Variants in AQR observed in about 807,000 individuals in gnomAD.
The protein encoded by AQR is aquarius intron-binding spliceosomal factor.
Under a neutral mutation model 180.5 loss-of-function variants are expected in AQR, and 61 were observed. The observed-to-expected ratio is 0.34, with a 90% CI of 0.28 to 0.42. The LOEUF (loss-of-function observed/expected upper bound fraction) is 0.42, where lower values mean the gene tolerates loss of function less well. AQR is among the 10% of genes least tolerant of loss of function. AQR has a pLI of 1.00. For missense variants in AQR, 1,281 were observed against 1,798.3 expected, an observed-to-expected ratio of 0.71 and a Z score of 5.20; for synonymous variants, 551 against 588.8, an observed-to-expected ratio of 0.94 and a Z score of 0.93.
intron 24 of AQR, 86 bp downstream of exon 24, chr15:34,890,129 T>C (rs1893121005): frequency 8.5e-7 from 1 of 1,171,110 alleles, no homozygotes; most frequent in East Asian, 2.4e-5. Context: ...GTTTCAGTAT[T>C]CATTGCTTTC....
At chr15:34,946,579 G>T (rs562336825) in intron 5 of AQR, among the ~76,000 whole-genome samples, 99 of 133,662 alleles carry the variant, frequency 7.4e-4, no homozygotes, top group African/African-American at 2.7e-3. Context: ...GGAGGGAGGT[G>T]GGGGGGGTCA....
chr15:34,887,926 G>A (rs561977960), intron 24 of AQR, among the ~76,000 whole-genome samples: 2 of 152,184 alleles, frequency 1.3e-5, no homozygotes, highest in East Asian at 1.9e-4. Context: ...TGAACACTTC[G>A]TTAATGAGAA....
intron 11 of AQR, among the ~76,000 whole-genome samples, chr15:34,931,662 C>T (rs954015343): frequency 2.0e-5 from 3 of 152,030 alleles, no homozygotes; most frequent in African/African-American, 2.4e-5. Flanking sequence ...CAAAACATTA[C>T]CCGGGCGTGG....
chr15:34,949,989 AT>A lies in AQR; in HGVS notation c.210-1606del, dbSNP rs1474957668. 1.6e-4 allele frequency among the ~76,000 whole-genome samples: 23 copies of A among 142,842 alleles called. No homozygotes were observed. The East Asian group carries it at 4.1e-3, about 26-fold the overall frequency. The allele number at this position is 142,842 out of a possible 152,430, so 93.7% of individuals were successfully genotyped here. ...TCCAAAACTAAAAAAAAAAAAAAAA[AT>A]CTTCTGAAACTCCTACTAAGCCTTC... On this transcript the variant is annotated intron_variant, in intron 4 of 34. Transcript: ENST00000156471.
rs377187373 is a variant in AQR, at chr15:34,905,384, A to C, written c.1832-879T>G. On this transcript the variant is annotated intron_variant, in intron 18 of 34. Coordinates refer to ENST00000156471, the MANE Select transcript of AQR (RefSeq NM_014691.3). The stretch of plus-strand genomic sequence containing the variant: ...ATTATAAAGGAAGTCAGGACAACAG[A>C]AGAAAGAATTTCAAAGGGATAATAA... 5.3e-5 allele frequency among the ~76,000 whole-genome samples: 8 copies of C among 152,206 alleles called. No individual in the cohort carries two copies. In the East Asian group the frequency reaches 9.6e-4, roughly 18 times the overall value.
At chr15:34,965,265 T>C (rs1437522405) in intron 1 of AQR, among the ~76,000 whole-genome samples, 1 of 152,244 alleles carries the variant, frequency 6.6e-6, no homozygotes, top group Admixed American at 6.5e-5. Flanking sequence ...TTTTCTTTGC[T>C]TTTATAGCTC....
At chr15:34,870,123 T>C (rs555421260) in intron 31 of AQR, 4 of 149,936 alleles carry the variant, frequency 2.7e-5, no homozygotes, top group African/African-American at 7.6e-5. Flanking sequence ...ACTGCACAGA[T>C]AGTCTATAAA....
At chr15:34,929,523 T>C (rs1893817726) in intron 12 of AQR, among the ~76,000 whole-genome samples, 1 of 152,164 alleles carries the variant, frequency 6.6e-6, no homozygotes, top group East Asian at 1.9e-4. Context: ...ATTTCTGACG[T>C]CTCTGTTCTG....
intron 13 of AQR, among the ~76,000 whole-genome samples, chr15:34,921,968 A>G (rs932536286): frequency 6.6e-6 from 1 of 151,814 alleles, no homozygotes; most frequent in African/African-American, 2.4e-5. Context: ...CCACCACCAC[A>G]CTCGGCTAAA....
chr15:34,948,111 A>C (rs966752497), intron 5 of AQR, 153 bp downstream of exon 5: 4 of 789,516 alleles, frequency 5.1e-6, no homozygotes, highest in Non-Finnish European at 1.9e-6. Context: ...AAAAGAAAAC[A>C]TATCTTTCAC....
rs573016803 is a variant in AQR at position 34,906,674 on chromosome 15, G to A, written c.1702C>T (p.Arg568Cys). ...KHDVCFLITV[R>C]PTKPYGTKFD... Reference sequence around the variant, plus strand: ...TTAGTGCCATAAGGTTTTGTGGGACGTACGGTAATTAAAAAGCATACATCA... The same window carrying A: ...TTAGTGCCATAAGGTTTTGTGGGACATACGGTAATTAAAAAGCATACATCA... The change falls in exon 18 of 35, where the codon CGT becomes TGT. Residue 568 changes from arginine to cysteine, a missense_variant. Around this residue, in one of 9 missense-constraint regions of AQR, gnomAD observed 200 missense variants for 293.4 expected, o/e 0.68. Coordinates refer to ENST00000156471, the MANE Select transcript of AQR (RefSeq NM_014691.3). The A allele has an allele frequency of 1.5e-5, 24 of 1,613,894 alleles. 1 individual carries two copies. Among genetic ancestry groups the A allele is most frequent in the Admixed American group, 1.0e-4 (6 of 59,994 alleles).
At chr15:34,895,187 AATATATATATATAT>A (rs1180797707) in intron 22 of AQR, among the ~76,000 whole-genome samples, 419 of 12,964 alleles carry the variant, frequency 0.032, 7 homozygotes, top group Non-Finnish European at 0.039. Flanking sequence ...AAAAAAAAAA[AATATATATATATAT>A]ATATATATAT....
chr15:34,885,332 T>C (rs1022374993), intron 25 of AQR, among the ~76,000 whole-genome samples: 1 of 152,200 alleles, frequency 6.6e-6, no homozygotes, highest in African/African-American at 2.4e-5. Flanking sequence ...CTATGTAACC[T>C]CAATTTCTGT....
rs1892543184 is a variant in AQR, at chr15:34,853,452, TCTG to T, written c.*3337_*3339del. 1 of 152,168 alleles carries T rather than the reference TCTG, an allele frequency of 6.6e-6. No homozygotes were observed. Among genetic ancestry groups the T allele is most frequent in the East Asian group, 1.9e-4 (1 of 5,188 alleles). The allele number at this position is 152,168 out of a possible 1,614,324, so 9.4% of individuals were successfully genotyped here. ...TTTCAGAAAGACCTAATGTCTTCCT[TCTG>T]CTTATACTGTTCTGACAGAATTTTA... is the stretch of plus-strand genomic sequence containing the variant. On this transcript the variant is annotated 3_prime_UTR_variant, in exon 35 of 35. Transcript: ENST00000156471.
At chr15:34,950,312 T>C (rs1040579346) in intron 4 of AQR, among the ~76,000 whole-genome samples, 1 of 151,968 alleles carries the variant, frequency 6.6e-6, no homozygotes, top group Non-Finnish European at 1.5e-5. Context: ...ATGGTCTCGA[T>C]CTCTTGACCT....
chr15:34,853,062 G>A lies in AQR; in HGVS notation c.*3730C>T, dbSNP rs1363274905. 2.0e-5 allele frequency: 3 copies of A among 152,100 alleles called. No individual in the cohort carries two copies. Among genetic ancestry groups the A allele is most frequent in the Non-Finnish European group, 4.4e-5 (3 of 68,008 alleles). The allele number at this position is 152,100 out of a possible 1,614,324, so 9.4% of individuals were successfully genotyped here. On this transcript the variant is annotated 3_prime_UTR_variant, in exon 35 of 35. Transcript: ENST00000156471. ...AAATCCTTGTAACTGAAGAGTATCG[G>A]TGGATGAAGAAAAAATAGTCTCACA... is the stretch of plus-strand genomic sequence containing the variant.
At chr15:34,933,252 C>A (rs1022372746) in intron 10 of AQR, among the ~76,000 whole-genome samples, 2 of 152,132 alleles carry the variant, frequency 1.3e-5, no homozygotes, top group Non-Finnish European at 2.9e-5. Context: ...ACTGGCAGAG[C>A]TAGAATTTGA....
chr15:34,916,229 A>T lies in AQR; in HGVS notation c.1343-1050T>A, dbSNP rs190102860. On this transcript the variant is annotated intron_variant, in intron 15 of 34. Transcript: ENST00000156471. ...TTGCATAAATCAATCTCCAATGATT[A>T]TTATTGTGCTCTGAACTTGCCTTCT... Among the ~76,000 whole-genome samples the T allele has an allele frequency of 1.6e-3, 246 of 152,312 alleles. 1 individual carries two copies. Among genetic ancestry groups the T allele is most frequent in the African/African-American group, 5.8e-3 (240 of 41,574 alleles).
chr15:34,865,040 A>G (rs1194648214), intron 32 of AQR, among the ~76,000 whole-genome samples: 1 of 151,944 alleles, frequency 6.6e-6, no homozygotes. Flanking sequence ...AACATAACAA[A>G]CTACCAGGCA....
Sources: gnomAD v4.1 joint callset for allele counts (sites outside exome capture counted in the v4.1 genomes callset) on GRCh38, gnomAD v4.1.1 for gene constraint, gnomAD v4.1.1 regional missense constraint, MANE v1.5 for transcripts, NCBI Gene and HGNC (gene_info 2026-07-23, HGNC 2026-07-21) for gene names.